Variants in CCDC62 observed in about 807,000 individuals in gnomAD.
CCDC62 encodes the protein coiled-coil domain-containing protein 62.
Under a neutral mutation model 80.8 loss-of-function variants are expected in CCDC62, and 72 were observed. That is an observed-to-expected ratio of 0.89 (90% CI 0.74 to 1.08). The LOEUF is 1.08. Ranked by LOEUF, CCDC62 falls within the 50% of genes least tolerant of loss-of-function variation. CCDC62 has a pLI of 0.00. For missense variants in CCDC62, 704 were observed against 809.4 expected (o/e 0.87, Z 1.58); for synonymous variants, 286 against 296.5 (o/e 0.96, Z 0.36).
chr12:122,788,644 C>T (rs902302269), intron 4 of CCDC62, 114 bp from the exon 5 acceptor site: 19 of 660,160 alleles, frequency 2.9e-5, no homozygotes, highest in Non-Finnish European at 4.4e-5. Flanking sequence ...AATTCATATG[C>T]GAAAAATGCT....
intron 12 of CCDC62, 89 bp from the exon 13 acceptor site, chr12:122,826,333 A>G (rs373415357): frequency 2.1e-5 from 15 of 720,076 alleles, no homozygotes; most frequent in South Asian, 9.1e-5. Context: ...TGTAGAGTTA[A>G]TATTTTAGAC....
intron 2 of CCDC62, 48 bp from the exon 3 acceptor site, chr12:122,781,116 C>CT: frequency 2.0e-6 from 3 of 1,501,646 alleles, no homozygotes; most frequent in Non-Finnish European, 2.7e-6. Context: ...AAAATAATGC[C>CT]TTTTAAGCTG....
rs746714249 is a variant in CCDC62 at position 122,801,144 on chromosome 12, AC to A, written c.1000del (p.Glu335LysfsTer58). ...LDSSRDMCLS[D>X]LENNHPKVDI... ...CATAGCAGAGACATGTGTTTATCAG[AC>A]CTTGAAAATAACCACCCAAAAGTCG... On this transcript the variant is annotated frameshift_variant, in exon 9 of 13. Transcript: ENST00000253079. LOFTEE classifies it high-confidence loss of function. 10 of 1,612,216 alleles carry A rather than the reference AC, an allele frequency of 6.2e-6. No individual in the cohort carries two copies. Among genetic ancestry groups the A allele is most frequent in the Non-Finnish European group, 7.6e-6 (9 of 1,179,526 alleles).
chr12:122,809,798 A>C (rs2031790156), intron 10 of CCDC62, among the ~76,000 whole-genome samples: 1 of 152,224 alleles, frequency 6.6e-6, no homozygotes, highest in African/African-American at 2.4e-5. Flanking sequence ...CCAAAACAGC[A>C]TGGTACTGGT....
At chr12:122,804,558 G>T (rs1263769739) in intron 9 of CCDC62, among the ~76,000 whole-genome samples, 1 of 152,234 alleles carries the variant, frequency 6.6e-6, no homozygotes, top group East Asian at 1.9e-4. Flanking sequence ...GCCAAAGCAA[G>T]GAGGATCTCT....
intron 6 of CCDC62, 97 bp downstream of exon 6, chr12:122,792,218 T>G (rs1251885168): frequency 1.6e-6 from 1 of 621,790 alleles, no homozygotes; most frequent in Admixed American, 2.9e-5. Flanking sequence ...TTTTTTTTTT[T>G]TTTGAGACAG....
intron 1 of CCDC62, 39 bp downstream of exon 1, chr12:122,774,745 A>G: frequency 5.7e-6 from 7 of 1,222,276 alleles, no homozygotes; most frequent in Admixed American, 4.3e-5. Flanking sequence ...CGCCGCGGGA[A>G]CGGTGCACAT....
At chr12:122,818,163 C>G (rs778269374) in intron 11 of CCDC62, among the ~76,000 whole-genome samples, 2 of 151,714 alleles carry the variant, frequency 1.3e-5, no homozygotes, top group Non-Finnish European at 2.9e-5. Context: ...CAAAAATTAG[C>G]TGGATGTGGC....
At chr12:122,777,822 T>G in intron 2 of CCDC62, 139 bp downstream of exon 2, 1 of 709,798 alleles carries the variant, frequency 1.4e-6, no homozygotes, top group Non-Finnish European at 2.3e-6. Flanking sequence ...ACAGGAGGAC[T>G]TTATGAACAG....
At chr12:122,796,172 T>A (rs1390674557) in intron 6 of CCDC62, among the ~76,000 whole-genome samples, 1 of 152,122 alleles carries the variant, frequency 6.6e-6, no homozygotes, top group East Asian at 1.9e-4. Context: ...TATTTTTTTT[T>A]TCTTTGACCA....
At chr12:122,825,757 G>T (rs2032597934) in intron 12 of CCDC62, among the ~76,000 whole-genome samples, 1 of 150,372 alleles carries the variant, frequency 6.7e-6, no homozygotes, top group African/African-American at 2.4e-5. Flanking sequence ...AGGCCGAGGT[G>T]GGCGGATCGC....
chr12:122,801,728 C>T lies in CCDC62; in HGVS notation c.1582C>T (p.His528Tyr), dbSNP rs1455025486. The T allele has an allele frequency of 4.3e-6, 7 of 1,614,170 alleles. No homozygotes were observed. In the South Asian group the frequency reaches 7.7e-5, roughly 18 times the overall value. Residue 528 changes from histidine to tyrosine, a missense_variant, in exon 9 of 13, where the codon CAC becomes TAC. By Grantham distance (83) the His-to-Tyr change is moderately conservative. Transcript: ENST00000253079. Reference sequence around the variant, plus strand: ...TAACTTCATAATTGAAGCCCCAGGCCACATGTCTGACGTGGAGTGGATGAG... The same window carrying T: ...TAACTTCATAATTGAAGCCCCAGGCTACATGTCTGACGTGGAGTGGATGAG... Reference protein sequence around the residue: ...PSNFIIEAPGHMSDVEWMSIF... With the variant: ...PSNFIIEAPGYMSDVEWMSIF...
chr12:122,789,777 G>A (rs942062510), intron 5 of CCDC62, among the ~76,000 whole-genome samples: 4 of 152,184 alleles, frequency 2.6e-5, no homozygotes, highest in Non-Finnish European at 2.9e-5. Context: ...ATTCAAAAAT[G>A]TTGTCCTTAT....
intron 6 of CCDC62, among the ~76,000 whole-genome samples, chr12:122,796,156 T>C (rs2030941522): frequency 6.6e-6 from 1 of 152,110 alleles, no homozygotes; most frequent in African/African-American, 2.4e-5. Context: ...CATTCAAATA[T>C]ACATATATTT....
intron 6 of CCDC62, among the ~76,000 whole-genome samples, chr12:122,795,218 T>C (rs1200489609): frequency 2.0e-5 from 3 of 151,096 alleles, no homozygotes; most frequent in Non-Finnish European, 4.4e-5. Flanking sequence ...ACCTGGCTAA[T>C]TTTTTGTACT....
chr12:122,793,745 A>G (rs2030771618), intron 6 of CCDC62, among the ~76,000 whole-genome samples: 1 of 152,100 alleles, frequency 6.6e-6, no homozygotes, highest in South Asian at 2.1e-4. Flanking sequence ...GCGAGCCACC[A>G]TGCCCGACCT....
intron 5 of CCDC62, 119 bp downstream of exon 5, chr12:122,789,048 G>A (rs999353820): frequency 1.6e-5 from 11 of 701,730 alleles, no homozygotes; most frequent in South Asian, 1.2e-4. Context: ...AGACCCTAAC[G>A]TGAAATATCC....
At position 122,801,171 on chromosome 12, in the gene CCDC62, A is replaced by G. The variant is rs754520724; in HGVS notation, c.1025A>G (p.Asp342Gly). Residue 342 changes from aspartate (D) to glycine (G), a missense_variant, in exon 9 of 13, where the codon GAT (aspartate) becomes GGT (glycine). Transcript: ENST00000253079. ...CTTGAAAATAACCACCCAAAAGTCG[A>G]TATTAAGAGGGAAAAAAATCAGAAG... ...SDLENNHPKV[D>G]IKREKNQKSL... 4.3e-6 allele frequency: 7 copies of G among 1,613,820 alleles called. No homozygotes were observed. Among genetic ancestry groups the G allele is most frequent in the Non-Finnish European group, 5.9e-6 (7 of 1,179,922 alleles).
At chr12:122,788,462 G>T (rs1160493320) in intron 4 of CCDC62, among the ~76,000 whole-genome samples, 4 of 152,158 alleles carry the variant, frequency 2.6e-5, no homozygotes, top group African/African-American at 7.2e-5. Flanking sequence ...AGAGAGTAAG[G>T]GGTAGTGGTT....
Sources: gnomAD v4.1 joint callset for allele counts (sites outside exome capture counted in the v4.1 genomes callset) on GRCh38, gnomAD v4.1.1 for gene constraint, MANE v1.5 for transcripts, NCBI Gene and HGNC (gene_info 2026-07-23, HGNC 2026-07-21) for gene names.